Variants in KAZN observed in about 807,000 individuals in gnomAD.
KAZN encodes the protein kazrin.
KAZN carries 40 observed loss-of-function variants against 87.4 expected under a neutral mutation model. The observed-to-expected ratio is 0.46, with a 90% CI of 0.36 to 0.60. KAZN has a LOEUF of 0.60. KAZN is among the 20% of genes least tolerant of loss of function. The pLI, the probability that KAZN is intolerant of heterozygous loss-of-function variation, is 0.00. For synonymous variants in KAZN, 466 were observed against 458.3 expected (o/e 1.02, Z -0.22); for missense variants, 898 against 1,073.9 (o/e 0.84, Z 2.29).
intron 1 of KAZN, among the ~76,000 whole-genome samples, chr1:14,072,027 T>A (rs531688464): frequency 2.2e-4 from 34 of 152,318 alleles, no homozygotes; most frequent in African/African-American, 8.2e-4. Context: ...TGGAACCATC[T>A]GGACTGAAAT....
At chr1:14,230,125 T>C (rs902115736) in intron 2 of KAZN, among the ~76,000 whole-genome samples, 1 of 152,236 alleles carries the variant, frequency 6.6e-6, no homozygotes, top group Non-Finnish European at 1.5e-5. Context: ...TTAATTTAAA[T>C]ATAAACAGCC....
chr1:14,961,552 G>C (rs1486827722), intron 2 of KAZN, among the ~76,000 whole-genome samples: 1 of 152,186 alleles, frequency 6.6e-6, no homozygotes, highest in Non-Finnish European at 1.5e-5. Context: ...GTCTCAGCGG[G>C]TTATTTGAGA....
intron 2 of KAZN, among the ~76,000 whole-genome samples, chr1:14,244,585 T>A (rs550300684): frequency 2.0e-5 from 3 of 151,208 alleles, no homozygotes; most frequent in Non-Finnish European, 4.4e-5. Flanking sequence ...ACATAGAGGG[T>A]GATAAGTGCT....
intron 2 of KAZN, among the ~76,000 whole-genome samples, chr1:14,255,316 C>G (rs1229074176): frequency 6.6e-6 from 1 of 152,104 alleles, no homozygotes; most frequent in African/African-American, 2.4e-5. Context: ...CCAAACACCT[C>G]CACTAGGCCC....
intron 1 of KAZN, among the ~76,000 whole-genome samples, chr1:13,987,627 G>A (rs1402337665): frequency 6.6e-6 from 1 of 152,056 alleles, no homozygotes; most frequent in East Asian, 1.9e-4. Context: ...TGCTTATTGT[G>A]TCATCATATG....
At chr1:14,513,390 A>G (rs1018836723) in intron 2 of KAZN, among the ~76,000 whole-genome samples, 6 of 152,166 alleles carry the variant, frequency 3.9e-5, no homozygotes, top group Non-Finnish European at 1.5e-5. Flanking sequence ...ACCTGGGCCC[A>G]GGCTCACTGG....
chr1:14,008,081 A>G (rs1383246954), intron 1 of KAZN, among the ~76,000 whole-genome samples: 1 of 152,168 alleles, frequency 6.6e-6, no homozygotes, highest in Non-Finnish European at 1.5e-5. Flanking sequence ...AGTAATTGGC[A>G]TTGTGGCCTG....
chr1:14,248,483 A>G (rs1387951962), intron 2 of KAZN, among the ~76,000 whole-genome samples: 2 of 152,240 alleles, frequency 1.3e-5, no homozygotes, highest in Non-Finnish European at 2.9e-5. Context: ...TGAGACTAGC[A>G]GAGGGTGTGG....
intron 2 of KAZN, among the ~76,000 whole-genome samples, chr1:14,545,652 C>T (rs989664587): frequency 5.9e-5 from 9 of 151,992 alleles, no homozygotes; most frequent in African/African-American, 1.7e-4. Flanking sequence ...ACAAAAGAGC[C>T]GAGATCTCAG....
intron 2 of KAZN, among the ~76,000 whole-genome samples, chr1:14,573,309 C>G (rs1321475338): frequency 6.6e-6 from 1 of 152,310 alleles, no homozygotes; most frequent in Admixed American, 6.5e-5. Flanking sequence ...CAGGAATCTA[C>G]TTGTGGCTTT....
At chr1:14,982,433 T>C (rs1666350625) in intron 2 of KAZN, among the ~76,000 whole-genome samples, 1 of 139,288 alleles carries the variant, frequency 7.2e-6, no homozygotes, top group Admixed American at 7.2e-5. Context: ...TTTTTTTTTT[T>C]TTTTTTTTTT....
intron 2 of KAZN, among the ~76,000 whole-genome samples, chr1:14,271,371 G>A (rs1472025729): frequency 1.3e-5 from 2 of 152,212 alleles, no homozygotes; most frequent in Non-Finnish European, 2.9e-5. Context: ...ACACTGTGAG[G>A]CTGTGAAGAA....
At chr1:14,373,684 T>C (rs1205608125) in intron 2 of KAZN, among the ~76,000 whole-genome samples, 1 of 152,194 alleles carries the variant, frequency 6.6e-6, no homozygotes, top group Admixed American at 6.5e-5. Context: ...TTGTCTTCTT[T>C]TTCTAGGGAA....
upstream of KAZN, among the ~76,000 whole-genome samples, chr1:14,595,759 G>A (rs72863645): frequency 3.9e-3 from 584 of 151,586 alleles, 8 homozygotes; most frequent in African/African-American, 0.013. Flanking sequence ...AAGTATACCC[G>A]CAGAGGCTAA....
intron 4 of KAZN, among the ~76,000 whole-genome samples, chr1:15,050,092 AC>A: frequency 3.4e-5 from 3 of 88,392 alleles, no homozygotes; most frequent in Non-Finnish European, 4.1e-5. Flanking sequence ...ACAGTAGAGT[AC>A]AGTAGAGTAG....
chr1:14,478,633 A>G (rs1289180228), intron 2 of KAZN, among the ~76,000 whole-genome samples: 1 of 152,192 alleles, frequency 6.6e-6, no homozygotes, highest in Non-Finnish European at 1.5e-5. Context: ...CCCATCCTCA[A>G]TGAATCTGCC....
intron 1 of KAZN, among the ~76,000 whole-genome samples, chr1:14,641,214 G>C (rs1404591108): frequency 6.6e-6 from 1 of 152,070 alleles, no homozygotes; most frequent in Non-Finnish European, 1.5e-5. Context: ...GGAATACCAG[G>C]ATCAGGAGGA....
In KAZN at chr1:15,054,776, G is replaced by A. The variant is rs200490804; in HGVS notation, c.727-1315G>A. Among the ~76,000 whole-genome samples, 7 of 152,252 alleles carry A rather than the reference G, an allele frequency of 4.6e-5. No individual in the cohort carries two copies. The East Asian group carries it at 9.6e-4, about 21-fold the overall frequency. On this transcript the variant is annotated intron_variant, in intron 4 of 14. Transcript: ENST00000376030. ...TAAAACCCCAGATATTCTAAGGGGA[G>A]ATAACACAGCTGAAAGAGGTCTCAG...
intron 1 of KAZN, among the ~76,000 whole-genome samples, chr1:14,051,591 G>A (rs544598280): frequency 6.7e-4 from 102 of 152,276 alleles, no homozygotes; most frequent in African/African-American, 2.3e-3. Flanking sequence ...GGTGGCTTAC[G>A]CCTATAATCC....
Sources: gnomAD v4.1 joint callset for allele counts (sites outside exome capture counted in the v4.1 genomes callset) on GRCh38, gnomAD v4.1.1 for gene constraint, MANE v1.5 for transcripts, NCBI Gene and HGNC (gene_info 2026-07-23, HGNC 2026-07-21) for gene names.